ASB11: variants seen among roughly 807,000 people sequenced by gnomAD.
The protein encoded by ASB11 is ankyrin repeat and SOCS box protein 11.
ASB11 carries 17 observed loss-of-function variants against 20.1 expected under a neutral mutation model. The ratio of observed to expected loss-of-function variants is 0.85; its 90% CI spans 0.58 to 1.27. The LOEUF (loss-of-function observed/expected upper bound fraction) is 1.27, where lower values mean the gene tolerates loss of function less well. Among genes scored for constraint, ASB11 ranks in the 50% most tolerant of loss-of-function variants. The probability of loss-of-function intolerance (pLI) is 0.00; values close to 1 mark genes in which losing one functional copy is unlikely to be tolerated. For missense variants in ASB11, 259 were observed against 256.9 expected (o/e 1.01, Z -0.06); for synonymous variants, 107 against 105.6 (o/e 1.01, Z -0.08).
intron 6 of ASB11, among the ~76,000 whole-genome samples, chrX:15,287,235 A>G (rs780802582): frequency 1.2e-4 from 13 of 112,930 alleles, no homozygotes; most frequent in Admixed American, 2.8e-4. Context: ...TTGTCTCCCA[A>G]TATTACAAAG....
chrX:15,294,013 T>G (rs1386731127), intron 3 of ASB11, among the ~76,000 whole-genome samples: 2 of 108,697 alleles, frequency 1.8e-5, no homozygotes, highest in African/African-American at 6.7e-5. Context: ...ACTCTAAAAC[T>G]TAAAGTATAA....
At chrX:15,310,766 T>A (rs902361850) in intron 1 of ASB11, among the ~76,000 whole-genome samples, 1 of 112,367 alleles carries the variant, frequency 8.9e-6, no homozygotes, top group Admixed American at 9.4e-5. Context: ...GGCAGGTGGA[T>A]AACCTAAGGT....
At chrX:15,313,271 C>T (rs1298211899) in intron 1 of ASB11, among the ~76,000 whole-genome samples, 6 of 110,640 alleles carry the variant, frequency 5.4e-5, no homozygotes, top group East Asian at 5.7e-4. Context: ...TGGTGGCGTG[C>T]GCCTATAATC....
Position 15,297,562 on chromosome X carries a change from G to A in ASB11, c.369+12C>T, listed in dbSNP as rs373538907. The A allele has an allele frequency of 3.6e-5, 42 of 1,158,284 alleles. No individual in the cohort carries two copies. The highest frequency in any genetic ancestry group is 4.4e-5 in the Non-Finnish European group (38 of 865,522). On this transcript the variant is annotated intron_variant, in intron 3 of 6. Transcript: ENST00000480796. ...GGCCAGACAGACCCAAGTGGGCAGGGGCAGTACTCACGTGTGCACCATTTT... is the reference window on the plus strand; with the variant it reads ...GGCCAGACAGACCCAAGTGGGCAGGAGCAGTACTCACGTGTGCACCATTTT...
Position 15,283,637 on chromosome X carries a change from A to G in ASB11, c.848-8T>C. ...GGGAAAGAGCAGGTGGGCCTGAGAG[A>G]GAAATAAAAATGGTGTTAACTTCAT... On this transcript the variant is annotated splice_region_variant and splice_polypyrimidine_tract_variant and intron_variant, in intron 6 of 6. Coordinates refer to ENST00000480796, the MANE Select transcript of ASB11 (RefSeq NM_080873.3). 8.3e-7 allele frequency: 1 copy of G among 1,206,960 alleles called. No individual in the cohort carries two copies. The highest frequency in any genetic ancestry group is 1.1e-6 in the Non-Finnish European group (1 of 892,401).
intron 3 of ASB11, among the ~76,000 whole-genome samples, chrX:15,295,523 G>A (rs916940568): frequency 1.8e-5 from 2 of 111,497 alleles, no homozygotes; most frequent in Admixed American, 1.9e-4. Flanking sequence ...CCAAGAGGAT[G>A]TTTCTTTCAC....
chrX:15,305,972 G>A (rs1327786957), intron 1 of ASB11, among the ~76,000 whole-genome samples: 3 of 111,255 alleles, frequency 2.7e-5, no homozygotes, highest in Non-Finnish European at 3.8e-5. Context: ...TCCCCTCTAC[G>A]TGTCCATGTG....
chrX:15,300,085 CTT>C (rs1047101520), intron 2 of ASB11, among the ~76,000 whole-genome samples: 2 of 112,652 alleles, frequency 1.8e-5, no homozygotes, highest in African/African-American at 3.2e-5. Context: ...TAGAAAAAGT[CTT>C]TTCATTTTTC....
At chrX:15,290,740 AAAGT>A (rs955185011) in intron 4 of ASB11, among the ~76,000 whole-genome samples, 17 of 112,359 alleles carry the variant, frequency 1.5e-4, no homozygotes, top group Admixed American at 1.4e-3. Context: ...AGATAACATA[AAAGT>A]AAGCTTCATT....
chrX:15,284,207 G>C (rs561464890), intron 6 of ASB11, among the ~76,000 whole-genome samples: 450 of 103,344 alleles, frequency 4.4e-3, no homozygotes, highest in South Asian at 0.014. Flanking sequence ...AGCCGAGATC[G>C]GGCCACTGCA....
intron 4 of ASB11, 137 bp from the exon 5 acceptor site, chrX:15,289,775 G>T: frequency 1.4e-6 from 1 of 724,235 alleles, no homozygotes; most frequent in Non-Finnish European, 2.0e-6. Context: ...TGTAATCTCA[G>T]CTTTTTGGGA....
intron 2 of ASB11, among the ~76,000 whole-genome samples, chrX:15,300,007 T>C (rs980361843): frequency 8.9e-6 from 1 of 112,457 alleles, no homozygotes; most frequent in East Asian, 2.8e-4. Context: ...TCTATTTTCA[T>C]GTCCTGAATA....
chrX:15,284,077 C>CATG (rs1569167722), intron 6 of ASB11, among the ~76,000 whole-genome samples: 14 of 105,103 alleles, frequency 1.3e-4, no homozygotes, highest in African/African-American at 4.6e-4. Context: ...ACGGTGAAAC[C>CATG]CCGTGTCCAC....
At chrX:15,304,491 T>A (rs1287191618) in intron 1 of ASB11, among the ~76,000 whole-genome samples, 1 of 112,505 alleles carries the variant, frequency 8.9e-6, no homozygotes, top group Non-Finnish European at 1.9e-5. Flanking sequence ...TTTTTTAGCA[T>A]GGTGCACTGA....
At chrX:15,285,239 T>A (rs73635078) in intron 6 of ASB11, among the ~76,000 whole-genome samples, 1,157 of 108,390 alleles carry the variant, frequency 0.011, 15 homozygotes, top group African/African-American at 0.038. Flanking sequence ...CCTCCCGGGT[T>A]TAGGCAGTTC....
chrX:15,306,826 G>A (rs1921262135), intron 1 of ASB11, among the ~76,000 whole-genome samples: 1 of 112,194 alleles, frequency 8.9e-6, no homozygotes, highest in Non-Finnish European at 1.9e-5. Flanking sequence ...CCTCTAATAT[G>A]TCTGCATCTC....
intron 1 of ASB11, among the ~76,000 whole-genome samples, chrX:15,311,996 G>A (rs965148294): frequency 3.6e-5 from 4 of 110,343 alleles, no homozygotes; most frequent in Non-Finnish European, 7.6e-5. Flanking sequence ...TGGCTGAAGG[G>A]TTATGAATAA....
intron 3 of ASB11, among the ~76,000 whole-genome samples, chrX:15,295,116 C>G (rs1273349953): frequency 9.2e-6 from 1 of 108,304 alleles, no homozygotes; most frequent in Admixed American, 9.8e-5. Flanking sequence ...GATCTCGGCT[C>G]ACTGCAACCT....
chrX:15,293,404 G>GTCCTCT lies in ASB11; in HGVS notation c.370-85_370-84insAGAGGA, dbSNP rs1300278821. The GTCCTCT allele has an allele frequency of 1.0e-4, 106 of 1,046,869 alleles. 1 individual carries two copies. The highest frequency in any genetic ancestry group is 1.3e-4 in the Non-Finnish European group (104 of 774,754). The allele number at this position is 1,046,869 out of a possible 1,213,427, so 86.3% of individuals were successfully genotyped here. A position where few individuals can be genotyped will look rare whatever the true frequency, so the allele number is the denominator to read the frequency against. ...GTATGTCTTCCTATGTATTTGCCTA[G>GTCCTCT]AGGAATTCCCCACGCTGGTGAATAA... On this transcript the variant is annotated intron_variant, in intron 3 of 6. Coordinates refer to ENST00000480796, the MANE Select transcript of ASB11 (RefSeq NM_080873.3).
Sources: gnomAD v4.1 joint callset for allele counts (sites outside exome capture counted in the v4.1 genomes callset) on GRCh38, gnomAD v4.1.1 for gene constraint, MANE v1.5 for transcripts, NCBI Gene and HGNC (gene_info 2026-07-23, HGNC 2026-07-21) for gene names.